UHRF1: variants seen among roughly 807,000 people sequenced by gnomAD.
UHRF1 encodes the protein E3 ubiquitin-protein ligase UHRF1.
UHRF1 carries 9 observed loss-of-function variants against 96.5 expected under a neutral mutation model. That is an observed-to-expected ratio of 0.09 (90% CI 0.06 to 0.16). The LOEUF (loss-of-function observed/expected upper bound fraction) is 0.16. UHRF1 is among the 10% of genes least tolerant of loss of function. UHRF1 has a pLI of 1.00. For missense variants in UHRF1, 626 were observed against 1,131.1 expected (o/e 0.55, Z 6.40); for synonymous variants, 455 against 469.9 (o/e 0.97, Z 0.41).
intron 5 of UHRF1, among the ~76,000 whole-genome samples, chr19:4,937,293 CTTTTTTT>C (rs11411657): frequency 8.0e-6 from 1 of 125,440 alleles, no homozygotes; most frequent in African/African-American, 3.1e-5. Context: ...AGATGGGCCA[CTTTTTTT>C]TTTTTTTTTT....
chr19:4,905,746 G>C (rs1418355503), upstream of UHRF1, among the ~76,000 whole-genome samples: 2 of 151,946 alleles, frequency 1.3e-5, no homozygotes, highest in Admixed American at 1.3e-4. Flanking sequence ...TTGATCTCCT[G>C]ACCTCAGTGA....
At chr19:4,948,953 C>T (rs1390588012) in intron 11 of UHRF1, among the ~76,000 whole-genome samples, 1 of 127,972 alleles carries the variant, frequency 7.8e-6, no homozygotes, top group Non-Finnish European at 1.6e-5. Flanking sequence ...GAAACCCCAT[C>T]TCTACTAAGA....
In UHRF1 at chr19:4,919,725, A is replaced by G. The variant is rs1292149026; in HGVS notation, c.153+8687A>G. 2.0e-5 allele frequency among the ~76,000 whole-genome samples: 3 copies of G among 152,140 alleles called. No individual in the cohort carries two copies. The East Asian group carries it at 5.8e-4, about 29-fold the overall frequency. On this transcript the variant is annotated intron_variant, in intron 2 of 16. Coordinates refer to ENST00000650932, the MANE Select transcript of UHRF1 (RefSeq NM_001048201.3). ...AGTTAGGGCTGAGGTGGTGTCATTT[A>G]ATAGGGACATTCAACTTCACTAGGT... is the stretch of plus-strand genomic sequence containing the variant.
chr19:4,930,757 G>T lies in UHRF1; in HGVS notation c.450G>T (p.Ala150=), dbSNP rs764391642. 10 of 1,613,860 alleles carry T rather than the reference G, an allele frequency of 6.2e-6. No homozygotes were observed. Among genetic ancestry groups the T allele is most frequent in the African/African-American group, 1.3e-5 (1 of 74,934 alleles). Residue 150 remains alanine (A), a synonymous_variant, in exon 4 of 17, where the codon GCG becomes GCT. Coordinates refer to ENST00000650932, the MANE Select transcript of UHRF1 (RefSeq NM_001048201.3). This position sits in a 1 kb window ranked among gnomAD's most constrained non-coding sequence, Gnocchi z 4.4. ...ATGCTCGGGACACGAACATGGGGGC[G>T]TGGTTTGAGGCGCAGGTGGTCAGGG... ...YVDARDTNMG[A]WFEAQVVRVT...
upstream of UHRF1, among the ~76,000 whole-genome samples, chr19:4,905,108 CTTTTTTTTTTTT>C (rs61443004): frequency 1.1e-5 from 1 of 95,192 alleles, no homozygotes; most frequent in African/African-American, 5.1e-5. Context: ...CGTAAACTTT[CTTTTTTTTTTTT>C]TTTTTTTTTT....
chr19:4,908,235 G>T (rs1280562941), upstream of UHRF1, among the ~76,000 whole-genome samples: 2 of 152,152 alleles, frequency 1.3e-5, no homozygotes, highest in Non-Finnish European at 2.9e-5. Context: ...TGGGGGCGAG[G>T]ACGTGGGGGT....
At chr19:4,945,567 C>T (rs867824311) in intron 9 of UHRF1, among the ~76,000 whole-genome samples, 1 of 152,070 alleles carries the variant, frequency 6.6e-6, no homozygotes, top group Non-Finnish European at 1.5e-5. Context: ...CCGTCACCCC[C>T]CATTTTCTAG....
intron 16 of UHRF1, among the ~76,000 whole-genome samples, chr19:4,957,547 A>G (rs1341005285): frequency 2.6e-5 from 4 of 152,104 alleles, no homozygotes; most frequent in East Asian, 3.9e-4. Context: ...TGACCTTGTC[A>G]TCCACCCGCC....
intron 15 of UHRF1, among the ~76,000 whole-genome samples, chr19:4,955,935 T>G (rs1467832742): frequency 7.2e-5 from 11 of 152,148 alleles, no homozygotes; most frequent in Non-Finnish European, 1.6e-4. Context: ...TTGTTTATTT[T>G]TATTATTTTT....
exon 1 of UHRF1, chr19:4,903,363 A>C: frequency 6.3e-6 from 1 of 158,366 alleles, no homozygotes; most frequent in Non-Finnish European, 1.4e-5. Context: ...CCCAGGCTGG[A>C]GTGTAGTGGC....
rs772978534 is a variant in UHRF1, at chr19:4,954,543, C to CATCT, written c.1957+56_1957+59dup. ...TCTTGTGTGTGGGGGAGCAGGTGGG[C>CATCT]ATCTCGCGGGTGTGGGGTTGAGGTC... On this transcript the variant is annotated intron_variant, in intron 14 of 16. Transcript: ENST00000650932. The surrounding 1 kb of genome is among the most constrained non-coding windows in gnomAD (Gnocchi z 5.9). The CATCT allele has an allele frequency of 3.4e-5, 54 of 1,583,522 alleles. No individual in the cohort carries two copies. In the Middle Eastern group the frequency reaches 1.2e-3, roughly 35 times the overall value.
chr19:4,940,957 G>C (rs1352872386), intron 5 of UHRF1, among the ~76,000 whole-genome samples: 1 of 151,792 alleles, frequency 6.6e-6, no homozygotes, highest in African/African-American at 2.4e-5. Flanking sequence ...ACAGGTCTGA[G>C]CTACCATGCC....
chr19:4,905,108 C>CTTT (rs61443004), upstream of UHRF1, among the ~76,000 whole-genome samples: 27 of 95,178 alleles, frequency 2.8e-4, no homozygotes, highest in African/African-American at 4.0e-4. Context: ...CGTAAACTTT[C>CTTT]TTTTTTTTTT....
chr19:4,950,196 T>C (rs2033678683), intron 11 of UHRF1, among the ~76,000 whole-genome samples: 1 of 151,914 alleles, frequency 6.6e-6, no homozygotes, highest in African/African-American at 2.4e-5. Context: ...AATAGTAGGC[T>C]GGGTGTGGCC....
intron 4 of UHRF1, among the ~76,000 whole-genome samples, chr19:4,931,315 G>A (rs1329992682): frequency 6.6e-6 from 1 of 152,138 alleles, no homozygotes; most frequent in African/African-American, 2.4e-5. Flanking sequence ...TTTCACAGAC[G>A]GTGTGGCTTA....
chr19:4,905,108 CTTTT>C (rs61443004), upstream of UHRF1, among the ~76,000 whole-genome samples: 778 of 95,110 alleles, frequency 8.2e-3, 2 homozygotes, highest in African/African-American at 0.037. Context: ...CGTAAACTTT[CTTTT>C]TTTTTTTTTT....
chr19:4,944,051 C>T (rs1480843032), intron 7 of UHRF1, 81 bp from the exon 8 acceptor site: 12 of 1,575,568 alleles, frequency 7.6e-6, no homozygotes, highest in African/African-American at 4.0e-5. Flanking sequence ...GAGCCATGTC[C>T]GTGGTGTGTG....
At chr19:4,932,681 C>G (rs769064163) in intron 4 of UHRF1, 60 bp from the exon 5 acceptor site, 1 of 1,586,038 alleles carries the variant, frequency 6.3e-7, no homozygotes, top group South Asian at 1.1e-5. Flanking sequence ...GGCTCGTTTC[C>G]CATTGAGGGA....
chr19:4,911,752 G>T (rs745868400), intron 2 of UHRF1, among the ~76,000 whole-genome samples: 22 of 152,150 alleles, frequency 1.4e-4, no homozygotes, highest in Non-Finnish European at 2.9e-4. Context: ...TGCTACTTTG[G>T]TTGGTGTTTT....
Sources: allele counts gnomAD v4.1 joint callset (sites outside exome capture counted in the v4.1 genomes callset), GRCh38; gene constraint gnomAD v4.1.1; non-coding constraint Gnocchi (gnomAD v3.1); transcripts MANE v1.5; gene names NCBI Gene and HGNC (gene_info 2026-07-23, HGNC 2026-07-21).